Variants in ARAP2 observed in about 807,000 individuals in gnomAD.
The protein encoded by ARAP2 is arf-GAP with Rho-GAP domain, ANK repeat and PH domain-containing protein 2.
A neutral mutation model predicts 194.5 loss-of-function variants in ARAP2; 148 were observed. That is an observed-to-expected ratio of 0.76 (90% CI 0.67 to 0.87). The LOEUF is 0.87. Ranked by LOEUF, ARAP2 falls within the 40% of genes least tolerant of loss-of-function variation. The pLI is 0.00. For synonymous variants in ARAP2, 695 were observed against 683.5 expected, an observed-to-expected ratio of 1.02 and a Z score of -0.26; for missense variants, 2,128 against 1,989.7, an observed-to-expected ratio of 1.07 and a Z score of -1.32.
intron 9 of ARAP2, among the ~76,000 whole-genome samples, 194 bp downstream of exon 9, chr4:36,177,633 G>A (rs773207351): frequency 9.2e-5 from 14 of 152,056 alleles, no homozygotes; most frequent in Non-Finnish European, 1.5e-4. Context: ...TTTCAAGTTT[G>A]ATGGAGGTAC....
chr4:36,165,714 C>G (rs1427134389), intron 10 of ARAP2, among the ~76,000 whole-genome samples: 5 of 152,044 alleles, frequency 3.3e-5, no homozygotes, highest in African/African-American at 1.2e-4. Context: ...TTAATGTTTA[C>G]TGGGAACTCG....
At chr4:36,089,166 G>T (rs952101074) in intron 28 of ARAP2, among the ~76,000 whole-genome samples, 9 of 152,042 alleles carry the variant, frequency 5.9e-5, no homozygotes, top group Non-Finnish European at 1.0e-4. Context: ...AACACTTTCT[G>T]ACTTCTATCA....
At chr4:36,207,968 C>A (rs970895948) in intron 6 of ARAP2, among the ~76,000 whole-genome samples, 1 of 152,118 alleles carries the variant, frequency 6.6e-6, no homozygotes, top group African/African-American at 2.4e-5. Context: ...AGATTCGTTC[C>A]ACAGCAAATA....
At chr4:36,038,189 G>A (rs1720260268) in intron 5 of ARAP2, among the ~76,000 whole-genome samples, 1 of 152,136 alleles carries the variant, frequency 6.6e-6, no homozygotes, top group Admixed American at 6.6e-5. Flanking sequence ...GAGGGCAAGA[G>A]GTCTCATCTG....
chr4:36,031,008 T>A (rs1212248659), intron 5 of ARAP2, among the ~76,000 whole-genome samples: 2 of 152,130 alleles, frequency 1.3e-5, no homozygotes, highest in African/African-American at 2.4e-5. Context: ...CACACGCCTG[T>A]AGTCCCAGCT....
At chr4:36,042,840 TTTC>T (rs5857467) in intron 5 of ARAP2, among the ~76,000 whole-genome samples, 3 of 145,724 alleles carry the variant, frequency 2.1e-5, no homozygotes, top group African/African-American at 7.5e-5. Context: ...AATGCGTTTT[TTTC>T]TTCTTTTTTT....
Position 36,073,688 on chromosome 4 carries a change from C to A in ARAP2, c.4743+1G>T. 1 of 1,610,440 alleles carries A rather than the reference C, an allele frequency of 6.2e-7. No individual in the cohort carries two copies. Among genetic ancestry groups the A allele is most frequent in the Non-Finnish European group, 8.5e-7 (1 of 1,177,778 alleles). Reference sequence around the variant, plus strand: ...ATAAAACAAACAAAATCCTAACCTACCTCAATATTTTTCCGGGCCAAGGTT... The same window carrying A: ...ATAAAACAAACAAAATCCTAACCTAACTCAATATTTTTCCGGGCCAAGGTT... On this transcript the variant is annotated splice_donor_variant, in intron 32 of 32. Transcript: ENST00000303965. LOFTEE classifies it high-confidence loss of function.
At position 36,234,475 on chromosome 4, in the gene ARAP2, G is replaced by C. The variant is rs11945098; in HGVS notation, c.-159-4830C>G. ...GTTTCAACATACAAATCGGGAGCGG[G>C]GGGTGGGGGACACACACATTCAGAC... On this transcript the variant is annotated intron_variant, in intron 1 of 32. Coordinates refer to ENST00000303965, the MANE Select transcript of ARAP2 (RefSeq NM_015230.4). Among the ~76,000 whole-genome samples, 12 of 152,190 alleles carry C rather than the reference G, an allele frequency of 7.9e-5. No individual in the cohort carries two copies. The South Asian group carries it at 2.1e-3, about 26-fold the overall frequency.
intron 25 of ARAP2, among the ~76,000 whole-genome samples, chr4:36,115,584 A>G (rs1303789141): frequency 6.6e-6 from 1 of 151,966 alleles, no homozygotes; most frequent in Non-Finnish European, 1.5e-5. Context: ...TTGGGAAATT[A>G]TTACTCTACA....
chr4:36,162,055 C>T (rs1170489027), intron 11 of ARAP2, among the ~76,000 whole-genome samples: 7 of 151,002 alleles, frequency 4.6e-5, no homozygotes, highest in South Asian at 2.1e-4. Flanking sequence ...TTGCAGTGAG[C>T]CCAGATCTTG....
chr4:36,229,634 A>G lies in ARAP2; in HGVS notation c.-148T>C. 1.8e-6 allele frequency: 1 copy of G among 570,998 alleles called. No homozygotes were observed. The allele number at this position is 570,998 out of a possible 1,614,324, so 35.4% of individuals were successfully genotyped here. ...TTATTTTCTTCACAGTGACTGCTTT[A>G]CCTGCTTAAGCCTAGAAAAAAATAA... On this transcript the variant is annotated 5_prime_UTR_variant, in exon 2 of 33. Coordinates refer to ENST00000303965, the MANE Select transcript of ARAP2 (RefSeq NM_015230.4).
At chr4:36,098,224 C>G (rs1024728163) in intron 27 of ARAP2, among the ~76,000 whole-genome samples, 1 of 152,012 alleles carries the variant, frequency 6.6e-6, no homozygotes, top group Admixed American at 6.6e-5. Context: ...TGGCATTTCT[C>G]AGATATATAT....
intron 27 of ARAP2, among the ~76,000 whole-genome samples, chr4:36,100,287 C>G (rs1013996762): frequency 6.6e-6 from 1 of 151,920 alleles, no homozygotes; most frequent in Admixed American, 6.6e-5. Context: ...CACATATTAT[C>G]TGATCAGTGA....
At chr4:36,191,215 A>G (rs2109908517) in intron 7 of ARAP2, among the ~76,000 whole-genome samples, 1 of 152,282 alleles carries the variant, frequency 6.6e-6, no homozygotes, top group Middle Eastern at 3.4e-3. Context: ...GAGATAATTA[A>G]CTATTTGTTG....
At chr4:36,070,710 C>G (rs1015310214) in intron 32 of ARAP2, among the ~76,000 whole-genome samples, 1 of 152,160 alleles carries the variant, frequency 6.6e-6, no homozygotes, top group African/African-American at 2.4e-5. Flanking sequence ...ACAGAGTATA[C>G]TAGAAACTCT....
At chr4:36,028,296 A>ACTC (rs1362150432) in intron 5 of ARAP2, among the ~76,000 whole-genome samples, 1 of 151,974 alleles carries the variant, frequency 6.6e-6, no homozygotes, top group Non-Finnish European at 1.5e-5. Context: ...TGCGGTAAGA[A>ACTC]CTCCTCTATG....
chr4:36,168,002 A>C (rs1005662216), intron 9 of ARAP2, among the ~76,000 whole-genome samples: 11 of 151,674 alleles, frequency 7.3e-5, no homozygotes, highest in Non-Finnish European at 1.6e-4. Flanking sequence ...GCAATATTAA[A>C]GGCAAAATAC....
At chr4:36,072,680 CCA>C (rs1491145053) in intron 32 of ARAP2, among the ~76,000 whole-genome samples, 42 of 149,282 alleles carry the variant, frequency 2.8e-4, no homozygotes, top group South Asian at 6.4e-4. Flanking sequence ...AAAAAAAACC[CCA>C]AAAAAAACAA....
chr4:36,108,916 A>G (rs1469494611), intron 26 of ARAP2, among the ~76,000 whole-genome samples: 1 of 151,908 alleles, frequency 6.6e-6, no homozygotes, highest in Non-Finnish European at 1.5e-5. Context: ...AGTCAATTCA[A>G]CTCTTTCACA....
Sources: gnomAD v4.1 joint callset for allele counts (sites outside exome capture counted in the v4.1 genomes callset) on GRCh38, gnomAD v4.1.1 for gene constraint, MANE v1.5 for transcripts, NCBI Gene and HGNC (gene_info 2026-07-23, HGNC 2026-07-21) for gene names.